STAT1: variants seen among roughly 807,000 people sequenced by gnomAD.
STAT1 encodes signal transducer and activator of transcription 1-alpha/beta.
A neutral mutation model predicts 111.7 loss-of-function variants in STAT1; 24 were observed. That is an observed-to-expected ratio of 0.21 (90% CI 0.16 to 0.30). The LOEUF is 0.30. STAT1 is among the 10% of genes least tolerant of loss of function. The pLI is 1.00. For missense variants in STAT1, 351 were observed against 911.9 expected, an observed-to-expected ratio of 0.38 and a Z score of 7.92; for synonymous variants, 332 against 326.5, an observed-to-expected ratio of 1.02 and a Z score of -0.18.
chr2:191,002,646 G>A (rs1035142568), intron 5 of STAT1, among the ~76,000 whole-genome samples: 1 of 152,082 alleles, frequency 6.6e-6, no homozygotes, highest in African/African-American at 2.4e-5. Flanking sequence ...GCTTCTAATG[G>A]TTTTCTCTTG....
chr2:190,979,543 G>A lies in STAT1; in HGVS notation c.1727+229C>T. Among the ~76,000 whole-genome samples, 1 of 144,770 alleles carries A rather than the reference G, an allele frequency of 6.9e-6. No individual in the cohort carries two copies. The highest frequency in any genetic ancestry group is 3.6e-3 in the Middle Eastern group (1 of 278). 95.0% of individuals were successfully genotyped at this position (144,770 alleles called of 152,430 possible). ...AATGCATGAATGGCACTCAAGAGTTGTTTTTTTTTTTTAATTTAGCTTTGC... is the reference window on the plus strand; with the variant it reads ...AATGCATGAATGGCACTCAAGAGTTATTTTTTTTTTTTAATTTAGCTTTGC... On this transcript the variant is annotated intron_variant, in intron 20 of 24. Transcript: ENST00000361099. The surrounding 1 kb of genome is among the most constrained non-coding windows in gnomAD (Gnocchi z 5.8).
intron 5 of STAT1, among the ~76,000 whole-genome samples, chr2:191,001,950 C>T (rs1340917609): frequency 6.6e-6 from 1 of 152,176 alleles, no homozygotes; most frequent in Admixed American, 6.5e-5. Context: ...AAATCCCCCA[C>T]ACAGCAAAAA....
rs935654762 is a variant in STAT1 at position 190,983,724 on chromosome 2, A to G, written c.1364T>C (p.Val455Ala). ...CTGGCTGACGTTGGAGATCACCACA[A>G]CGGGCAGAGAGGTCGTCTAAAGGAT... ...VIDLETTSLP[V>A]VVISNVSQLP... The change falls in exon 17 of 25, where the codon GTT (valine) becomes GCT (alanine). Residue 455 changes from valine (V) to alanine (A), a missense_variant. This residue lies in a region of STAT1 where 181 missense variants were observed against 426.1 expected (regional missense o/e 0.42). Transcript: ENST00000361099. The surrounding 1 kb of genome is among the most constrained non-coding windows in gnomAD (Gnocchi z 5.7). The G allele has an allele frequency of 1.2e-6, 2 of 1,614,058 alleles. No homozygotes were observed. The highest frequency in any genetic ancestry group is 2.7e-5 in the African/African-American group (2 of 74,934).
Position 190,984,405 on chromosome 2 carries a change from A to G in STAT1, c.1264-12T>C. ...ACGATGAGAGGACCCTTGGAAGAGAAAAGGAAAGAAGAAAAGAATATAATT... is the reference window on the plus strand; with the variant it reads ...ACGATGAGAGGACCCTTGGAAGAGAGAAGGAAAGAAGAAAAGAATATAATT... On this transcript the variant is annotated splice_polypyrimidine_tract_variant and intron_variant, in intron 15 of 24. Transcript: ENST00000361099. The surrounding 1 kb of genome is among the most constrained non-coding windows in gnomAD (Gnocchi z 5.2). 1.2e-6 allele frequency: 2 copies of G among 1,606,506 alleles called. No individual in the cohort carries two copies. Among genetic ancestry groups the G allele is most frequent in the Non-Finnish European group, 1.7e-6 (2 of 1,173,170 alleles).
chr2:190,998,668 A>AG lies in STAT1; in HGVS notation c.542-361_542-360insC, dbSNP rs1694029573. On this transcript the variant is annotated intron_variant, in intron 7 of 24. Coordinates refer to ENST00000361099, the MANE Select transcript of STAT1 (RefSeq NM_007315.4). The surrounding 1 kb of genome is among the most constrained non-coding windows in gnomAD (Gnocchi z 4.1). Reference sequence around the variant, plus strand: ...CAGAGCGAGACTCCGTCTCCAAAAAAAAACAAAAAAAACAAAAAAAAAACA... The same window carrying AG: ...CAGAGCGAGACTCCGTCTCCAAAAAAGAAACAAAAAAAACAAAAAAAAAACA... Among the ~76,000 whole-genome samples the AG allele has an allele frequency of 6.6e-6, 1 of 151,104 alleles. No homozygotes were observed. Among genetic ancestry groups the AG allele is most frequent in the African/African-American group, 2.4e-5 (1 of 41,252 alleles).
chr2:190,994,142 G>A (rs1693623056), intron 10 of STAT1, among the ~76,000 whole-genome samples: 1 of 152,220 alleles, frequency 6.6e-6, no homozygotes, highest in Admixed American at 6.5e-5. Flanking sequence ...ATGAAAAGAA[G>A]GCTCTGAGGA....
Position 190,996,707 on chromosome 2 carries a change from A to T in STAT1, c.785+1149T>A, listed in dbSNP as rs1434821207. Among the ~76,000 whole-genome samples, 2 of 152,226 alleles carry T rather than the reference A, an allele frequency of 1.3e-5. No individual in the cohort carries two copies. The highest frequency in any genetic ancestry group is 2.9e-5 in the Non-Finnish European group (2 of 68,038). On this transcript the variant is annotated intron_variant, in intron 9 of 24. Coordinates refer to ENST00000361099, the MANE Select transcript of STAT1 (RefSeq NM_007315.4). The surrounding 1 kb of genome is among the most constrained non-coding windows in gnomAD (Gnocchi z 4.5). ...TCACAGAACAAAAATAAATGGCTGA[A>T]TATTAATTGTGATTTTTTTAAAAAC... is the stretch of plus-strand genomic sequence containing the variant.
At position 190,999,032 on chromosome 2, in the gene STAT1, C is replaced by G. The variant is rs1350688596; in HGVS notation, c.541+594G>C. ...TGAATAGAGTAACAGCAGTACCCTA[C>G]GTGTCCTACACAATGTACATTCTTG... On this transcript the variant is annotated intron_variant, in intron 7 of 24. Transcript: ENST00000361099. The surrounding 1 kb of genome is among the most constrained non-coding windows in gnomAD (Gnocchi z 4.1). 1.3e-5 allele frequency among the ~76,000 whole-genome samples: 2 copies of G among 152,130 alleles called. No individual in the cohort carries two copies. The highest frequency in any genetic ancestry group is 4.8e-5 in the African/African-American group (2 of 41,428).
Position 191,007,878 on chromosome 2 carries a change from T to A in STAT1, c.274-217A>T, listed in dbSNP as rs941658516. 2.1e-5 allele frequency: 12 copies of A among 585,018 alleles called. No individual in the cohort carries two copies. Among genetic ancestry groups the A allele is most frequent in the South Asian group, 1.3e-4 (7 of 54,026 alleles). The allele number at this position is 585,018 out of a possible 1,614,324, so 36.2% of individuals were successfully genotyped here. A position where few individuals can be genotyped will look rare whatever the true frequency, so the allele number is the denominator to read the frequency against. On this transcript the variant is annotated intron_variant, in intron 4 of 24. Coordinates refer to ENST00000361099, the MANE Select transcript of STAT1 (RefSeq NM_007315.4). This position sits in a 1 kb window ranked among gnomAD's most constrained non-coding sequence, Gnocchi z 4.2. Reference sequence around the variant, plus strand: ...TTCTAAGTGCAGGTACCTAACGTACTTTTTGATTTAAAAACAAGTATTTTC... The same window carrying A: ...TTCTAAGTGCAGGTACCTAACGTACATTTTGATTTAAAAACAAGTATTTTC...
Position 190,978,816 on chromosome 2 carries a change from A to G in STAT1, c.1873+40T>C. On this transcript the variant is annotated intron_variant, in intron 21 of 24. Transcript: ENST00000361099. The surrounding 1 kb of genome is among the most constrained non-coding windows in gnomAD (Gnocchi z 6.1). Reference sequence around the variant, plus strand: ...GCGGCGATGAAGAGGGACTTCACACACATGGAATGGTGGGACTATGTGCTC... The same window carrying G: ...GCGGCGATGAAGAGGGACTTCACACGCATGGAATGGTGGGACTATGTGCTC... The G allele has an allele frequency of 2.5e-6, 4 of 1,611,434 alleles. No individual in the cohort carries two copies. The highest frequency in any genetic ancestry group is 3.4e-6 in the Non-Finnish European group (4 of 1,179,230).
rs535260453 is a variant in STAT1 at position 190,994,781 on chromosome 2, T to G, written c.944+280A>C. On this transcript the variant is annotated intron_variant, in intron 10 of 24. Coordinates refer to ENST00000361099, the MANE Select transcript of STAT1 (RefSeq NM_007315.4). ...ACTAAAAAAAATTAGCCAGGTGGGG[T>G]GGCATGCGCCTGTAGTCCCAGCTAC... 5.3e-5 allele frequency among the ~76,000 whole-genome samples: 8 copies of G among 151,666 alleles called. No individual in the cohort carries two copies. In the East Asian group the frequency reaches 1.6e-3, roughly 30 times the overall value.
intron 2 of STAT1, among the ~76,000 whole-genome samples, chr2:191,011,298 G>T (rs1263506192): frequency 6.6e-6 from 1 of 152,120 alleles, no homozygotes; most frequent in Admixed American, 6.6e-5. Context: ...CTCCCTCCCT[G>T]CTTGGTAACT....
At chr2:191,013,784 G>C in intron 1 of STAT1, 106 bp from the exon 2 acceptor site, 1 of 397,760 alleles carries the variant, frequency 2.5e-6, no homozygotes, top group Non-Finnish European at 4.4e-6. Flanking sequence ...TATTTCACAA[G>C]TCCTCTTCAC....
rs1402391803 is a variant in STAT1 at position 191,007,720 on chromosome 2, G to A, written c.274-59C>T. 8.1e-7 allele frequency: 1 copy of A among 1,235,000 alleles called. No individual in the cohort carries two copies. Among genetic ancestry groups the A allele is most frequent in the East Asian group, 2.3e-5 (1 of 43,058 alleles). The allele number at this position is 1,235,000 out of a possible 1,614,324, so 76.5% of individuals were successfully genotyped here. A position where few individuals can be genotyped will look rare whatever the true frequency, so the allele number is the denominator to read the frequency against. ...AAATGCAGAATGTTTACTTTATTGT[G>A]TATTGTAAGTTGATATGAATTTGTT... On this transcript the variant is annotated intron_variant, in intron 4 of 24. Transcript: ENST00000361099. This position sits in a 1 kb window ranked among gnomAD's most constrained non-coding sequence, Gnocchi z 4.2.
Position 190,969,540 on chromosome 2 carries a change from A to G in STAT1, c.*1163T>C, listed in dbSNP as rs1329457174. The stretch of plus-strand genomic sequence containing the variant: ...GGAAGGAAAAAGGTAAAAATACAGT[A>G]TACTTCACGAAACATCATCCACTCA... On this transcript the variant is annotated 3_prime_UTR_variant, in exon 25 of 25. Coordinates refer to ENST00000361099, the MANE Select transcript of STAT1 (RefSeq NM_007315.4). The G allele has an allele frequency of 1.3e-5, 2 of 152,220 alleles. No individual in the cohort carries two copies. Among genetic ancestry groups the G allele is most frequent in the Non-Finnish European group, 2.9e-5 (2 of 68,022 alleles). 9.4% of individuals were successfully genotyped at this position (152,220 alleles called of 1,614,324 possible).
intron 10 of STAT1, among the ~76,000 whole-genome samples, chr2:190,991,635 G>C (rs1296533231): frequency 6.6e-6 from 1 of 151,968 alleles, no homozygotes; most frequent in Non-Finnish European, 1.5e-5. Context: ...GAGGTGTGAA[G>C]ATTGCTTGAG....
In STAT1 at chr2:191,004,920, T is replaced by C. The variant is rs1694561609; in HGVS notation, c.372+2643A>G. On this transcript the variant is annotated intron_variant, in intron 5 of 24. Transcript: ENST00000361099. This position sits in a 1 kb window ranked among gnomAD's most constrained non-coding sequence, Gnocchi z 5.0. ...ATGGACCTAAATTTTTGTCTAGACA[T>C]GCAACTAGCTTTTTCACCACAAAGA... Among the ~76,000 whole-genome samples the C allele has an allele frequency of 6.6e-6, 1 of 152,030 alleles. No individual in the cohort carries two copies. The highest frequency in any genetic ancestry group is 2.1e-4 in the South Asian group (1 of 4,828).
At chr2:191,010,480 C>A in intron 2 of STAT1, 2 of 384,720 alleles carry the variant, frequency 5.2e-6, no homozygotes, top group Non-Finnish European at 5.3e-6. Flanking sequence ...TAGTAGGTAT[C>A]CAATAAATAT....
rs948422110 is a variant in STAT1 at position 190,980,160 on chromosome 2, C to A, written c.1633-294G>T. 6.6e-6 allele frequency among the ~76,000 whole-genome samples: 1 copy of A among 152,224 alleles called. No homozygotes were observed. The highest frequency in any genetic ancestry group is 1.5e-5 in the Non-Finnish European group (1 of 68,038). On this transcript the variant is annotated intron_variant, in intron 19 of 24. Transcript: ENST00000361099. This position sits in a 1 kb window ranked among gnomAD's most constrained non-coding sequence, Gnocchi z 6.1. ...TGACCTCCAGCGTGACTCACGGAAACACAAGCTGCCCCACACTAGCAAAAT... is the reference window on the plus strand; with the variant it reads ...TGACCTCCAGCGTGACTCACGGAAAAACAAGCTGCCCCACACTAGCAAAAT...
Sources: gnomAD v4.1 joint callset for allele counts (sites outside exome capture counted in the v4.1 genomes callset) on GRCh38, gnomAD v4.1.1 for gene constraint, gnomAD v4.1.1 regional missense constraint, Gnocchi (gnomAD v3.1) non-coding constraint, MANE v1.5 for transcripts, NCBI Gene and HGNC (gene_info 2026-07-23, HGNC 2026-07-21) for gene names.